FAM169A: variants seen among roughly 807,000 people sequenced by gnomAD.
The protein encoded by FAM169A is family with sequence similarity 169 member A, also known as soluble lamin-associated protein of 75 kDa.
In FAM169A, 24 loss-of-function variants were observed where a neutral mutation model predicts 75.7. That is an observed-to-expected ratio of 0.32 (90% CI 0.23 to 0.45). FAM169A has a LOEUF of 0.45. Among genes scored for constraint, FAM169A ranks in the 20% least tolerant of loss-of-function variants. The probability of loss-of-function intolerance (pLI) is 1.00; values close to 1 mark genes in which losing one functional copy is unlikely to be tolerated. For missense variants in FAM169A, 673 were observed against 784.0 expected (o/e 0.86, Z 1.69); for synonymous variants, 271 against 271.0 (o/e 1.00, Z 0.00).
In FAM169A at chr5:74,840,090, A is replaced by G. The variant is rs1251245427; in HGVS notation, c.216T>C (p.Pro72=). The part of the protein sequence containing the change: ...QTQKILALFA[P]EDSLTAVALY... ...AAAAGAGACCTGTCAGTGAATCTTC[A>G]GGTGCAAAGAGAGCAAGAATTTTCT... The change falls in exon 3 of 13, where the codon CCT becomes CCC. Residue 72 remains proline (P), a synonymous_variant. Coordinates refer to ENST00000687041, the MANE Select transcript of FAM169A (RefSeq NM_001376049.1). 1 of 1,572,702 alleles carries G rather than the reference A, an allele frequency of 6.4e-7. No individual in the cohort carries two copies. The highest frequency in any genetic ancestry group is 8.7e-7 in the Non-Finnish European group (1 of 1,155,742).
chr5:74,791,766 GT>G (rs1745987086), intron 11 of FAM169A, among the ~76,000 whole-genome samples: 1 of 152,120 alleles, frequency 6.6e-6, no homozygotes. Flanking sequence ...GAAGGTTTGG[GT>G]TACTCCACTA....
chr5:74,857,572 G>GGAA (rs1554053966), intron 1 of FAM169A, among the ~76,000 whole-genome samples: 2 of 56,310 alleles, frequency 3.6e-5, no homozygotes, highest in Non-Finnish European at 7.6e-5. Flanking sequence ...CTTGCCGCGG[G>GGAA]AAAAAAAAAA....
chr5:74,817,773 G>A (rs1181952817), intron 5 of FAM169A, among the ~76,000 whole-genome samples: 2 of 152,092 alleles, frequency 1.3e-5, no homozygotes, highest in African/African-American at 4.8e-5. Flanking sequence ...CAAAGCTAGA[G>A]TAATCAGGAC....
chr5:74,859,284 T>C (rs2112742897), intron 1 of FAM169A, among the ~76,000 whole-genome samples: 1 of 149,098 alleles, frequency 6.7e-6, no homozygotes, highest in East Asian at 2.0e-4. Context: ...ATGAAGGTTT[T>C]CTCTTTTTTT....
chr5:74,847,144 T>A (rs539902423), intron 1 of FAM169A, among the ~76,000 whole-genome samples: 26 of 152,186 alleles, frequency 1.7e-4, no homozygotes, highest in Non-Finnish European at 2.9e-5. Flanking sequence ...TGTGGTAAAA[T>A]ATACATAACA....
chr5:74,806,115 T>C (rs777665860), intron 6 of FAM169A, among the ~76,000 whole-genome samples: 3 of 151,788 alleles, frequency 2.0e-5, no homozygotes, highest in Admixed American at 6.6e-5. Context: ...ACCATAGTAA[T>C]TGAAACAACC....
At chr5:74,798,203 T>C (rs551629662) in intron 10 of FAM169A, among the ~76,000 whole-genome samples, 1 of 152,362 alleles carries the variant, frequency 6.6e-6, no homozygotes, top group African/African-American at 2.4e-5. Flanking sequence ...CTTACGGTGC[T>C]CTTAACTGTG....
chr5:74,852,682 A>G (rs1749503554), intron 1 of FAM169A, among the ~76,000 whole-genome samples: 2 of 152,006 alleles, frequency 1.3e-5, no homozygotes, highest in African/African-American at 4.8e-5. Context: ...ATTTACCAAG[A>G]GAGTTAAGGT....
At chr5:74,824,546 T>C (rs1747919151) in intron 5 of FAM169A, among the ~76,000 whole-genome samples, 1 of 152,158 alleles carries the variant, frequency 6.6e-6, no homozygotes, top group African/African-American at 2.4e-5. Context: ...GCTAGTTTTG[T>C]GGTAGATAGT....
chr5:74,816,861 T>C (rs1387932338), intron 5 of FAM169A, among the ~76,000 whole-genome samples: 1 of 152,218 alleles, frequency 6.6e-6, no homozygotes, highest in Non-Finnish European at 1.5e-5. Context: ...CCAAGACTTC[T>C]GCCATTTATC....
chr5:74,866,654 C>A, upstream of FAM169A: 1 of 821,856 alleles, frequency 1.2e-6, no homozygotes, highest in African/African-American at 1.8e-5. Flanking sequence ...GGGCAATGGC[C>A]TGGTATTAAA....
At chr5:74,797,298 T>G (rs936199247) in intron 10 of FAM169A, among the ~76,000 whole-genome samples, 1 of 152,200 alleles carries the variant, frequency 6.6e-6, no homozygotes, top group Non-Finnish European at 1.5e-5. Context: ...TGCCTCAGCC[T>G]CCTGAGTAGC....
intron 1 of FAM169A, among the ~76,000 whole-genome samples, chr5:74,863,195 T>C (rs1037124565): frequency 2.8e-4 from 42 of 152,186 alleles, no homozygotes; most frequent in African/African-American, 1.0e-3. Context: ...CTAGGATATC[T>C]CTGATAAATT....
intron 11 of FAM169A, among the ~76,000 whole-genome samples, chr5:74,793,232 G>A (rs1746068681): frequency 6.6e-6 from 1 of 151,820 alleles, no homozygotes; most frequent in Non-Finnish European, 1.5e-5. Context: ...GGCTGAGGCA[G>A]GAGAATCACT....
chr5:74,800,183 A>G (rs62366420), intron 10 of FAM169A: 32,114 of 370,856 alleles, frequency 0.087, 1,714 homozygotes, highest in Admixed American at 0.17. Context: ...CTGAAAACAC[A>G]TATCACGCCA....
chr5:74,794,117 C>T (rs969867933), intron 11 of FAM169A, among the ~76,000 whole-genome samples: 2 of 148,628 alleles, frequency 1.3e-5, no homozygotes, highest in African/African-American at 5.0e-5. Context: ...CCGAGAGGAG[C>T]GGATCAGGAG....
rs139523730 is a variant in FAM169A at position 74,834,848 on chromosome 5, A to G, written c.319-251T>C. On this transcript the variant is annotated intron_variant, in intron 4 of 12. Transcript: ENST00000687041. ...TCAACAAAATTCTAAATCGGGCAAA[A>G]AACAGGTCCCCAATGTACCAATCCC... Among the ~76,000 whole-genome samples, 612 of 152,164 alleles carry G rather than the reference A, an allele frequency of 4.0e-3. 7 individuals carry two copies. Among genetic ancestry groups the G allele is most frequent in the African/African-American group, 0.014 (576 of 41,520 alleles).
Position 74,800,961 on chromosome 5 carries a change from C to T in FAM169A, c.1022G>A (p.Arg341Gln), listed in dbSNP as rs1311571860. Reference protein sequence around the residue: ...GNLKRPKIGKRFQDSEFSSSQ... With the variant: ...GNLKRPKIGKQFQDSEFSSSQ... Reference sequence around the variant, plus strand: ...ACTGCTAAATTCAGAATCCTGAAACCGCTTTCCAATCTTTGGCCGCTTTAG... The same window carrying T: ...ACTGCTAAATTCAGAATCCTGAAACTGCTTTCCAATCTTTGGCCGCTTTAG... The change falls in exon 10 of 13, where the codon CGG becomes CAG. Residue 341 changes from arginine to glutamine, a missense_variant. Arg to Gln is a conservative substitution (Grantham distance 43). Transcript: ENST00000687041. The T allele has an allele frequency of 1.4e-5, 22 of 1,561,586 alleles. No individual in the cohort carries two copies. Among genetic ancestry groups the T allele is most frequent in the Admixed American group, 3.7e-5 (2 of 53,704 alleles).
At chr5:74,799,779 G>T (rs1746466648) in intron 10 of FAM169A, 1 of 1,121,898 alleles carries the variant, frequency 8.9e-7, no homozygotes, top group African/African-American at 1.5e-5. Context: ...CGCCGTGGCT[G>T]CTGGCCATGA....
Sources: gnomAD v4.1 joint callset for allele counts (sites outside exome capture counted in the v4.1 genomes callset) on GRCh38, gnomAD v4.1.1 for gene constraint, MANE v1.5 for transcripts, NCBI Gene and HGNC (gene_info 2026-07-23, HGNC 2026-07-21) for gene names.